IFT140: variants seen among roughly 807,000 people sequenced by gnomAD.
The protein encoded by IFT140 is intraflagellar transport protein 140 homolog.
Under a neutral mutation model 164.6 loss-of-function variants are expected in IFT140, and 133 were observed. The ratio of observed to expected loss-of-function variants is 0.81; its 90% CI spans 0.70 to 0.93. The LOEUF (loss-of-function observed/expected upper bound fraction) is 0.93, where lower values mean the gene tolerates loss of function less well. IFT140 is among the 40% of genes least tolerant of loss of function. IFT140 has a pLI of 0.00. For missense variants in IFT140, 2,045 were observed against 1,972.3 expected (o/e 1.04, Z -0.70); for synonymous variants, 860 against 817.3 (o/e 1.05, Z -0.89).
intron 26 of IFT140, among the ~76,000 whole-genome samples, chr16:1,522,864 G>C (rs2040564143): frequency 6.6e-6 from 1 of 152,142 alleles, no homozygotes; most frequent in Admixed American, 6.6e-5. Context: ...ATTTTGATAT[G>C]TATTTCTATC....
At chr16:1,536,265 G>A (rs2031061035) in intron 19 of IFT140, among the ~76,000 whole-genome samples, 1 of 152,196 alleles carries the variant, frequency 6.6e-6, no homozygotes, top group African/African-American at 2.4e-5. Context: ...TCACAGGGCC[G>A]CGTGTAGCCT....
rs531883275 is a variant in IFT140, at chr16:1,576,547, G to A, written c.1524+4212C>T. Among the ~76,000 whole-genome samples the A allele has an allele frequency of 1.6e-3, 236 of 147,514 alleles. 1 individual carries two copies. Among genetic ancestry groups the A allele is most frequent in the Non-Finnish European group, 5.0e-4 (34 of 67,568 alleles). On this transcript the variant is annotated intron_variant, in intron 13 of 30. Coordinates refer to ENST00000426508, the MANE Select transcript of IFT140 (RefSeq NM_014714.4). Reference sequence around the variant, plus strand: ...GCGGAGCTTGCAGTGAGCCGAGATCGCACCACTCCACTCCAGCCTGGGTGA... The same window carrying A: ...GCGGAGCTTGCAGTGAGCCGAGATCACACCACTCCACTCCAGCCTGGGTGA...
At chr16:1,552,301 C>G (rs555265350) in intron 19 of IFT140, among the ~76,000 whole-genome samples, 17 of 152,168 alleles carry the variant, frequency 1.1e-4, no homozygotes, top group South Asian at 4.2e-4. Context: ...TGGGCTGGGA[C>G]TCTCCCCAAG....
intron 19 of IFT140, among the ~76,000 whole-genome samples, chr16:1,530,423 G>A (rs1024191015): frequency 3.9e-5 from 6 of 152,078 alleles, no homozygotes; most frequent in East Asian, 1.9e-4. Context: ...GAGCCACTGC[G>A]CCCGGCCCAC....
Position 1,523,696 on chromosome 16 carries a change from C to A in IFT140, c.3275G>T (p.Gly1092Val), listed in dbSNP as rs770590195. ...DRAVMLYHKAGHFSKALELAF... is the reference protein window; with the variant it reads ...DRAVMLYHKAVHFSKALELAF... The stretch of plus-strand genomic sequence containing the variant: ...CAGCTCCAGGGCCTTGGAGAAGTGG[C>A]CAGCCTGCGGATACGGTGGGCTCTG... Residue 1092 changes from glycine (G) to valine (V), a missense_variant, in exon 26 of 31, where the codon GGC becomes GTC. Transcript: ENST00000426508. 1 of 1,613,170 alleles carries A rather than the reference C, an allele frequency of 6.2e-7. No individual in the cohort carries two copies. Among genetic ancestry groups the A allele is most frequent in the Non-Finnish European group, 8.5e-7 (1 of 1,179,668 alleles).
At chr16:1,577,855 TAAAAA>T (rs539219664) in intron 13 of IFT140, 2 of 144,804 alleles carry the variant, frequency 1.4e-5, no homozygotes, top group Admixed American at 6.9e-5. Flanking sequence ...AACCCCAACT[TAAAAA>T]AAAAAGCCTT....
At chr16:1,585,186 A>G (rs2034803874) in intron 10 of IFT140, among the ~76,000 whole-genome samples, 1 of 152,242 alleles carries the variant, frequency 6.6e-6, no homozygotes, top group East Asian at 1.9e-4. Flanking sequence ...TCAACTGATG[A>G]ATGGAGAAAG....
chr16:1,546,266 G>A (rs1424645977), intron 19 of IFT140, among the ~76,000 whole-genome samples: 10 of 152,224 alleles, frequency 6.6e-5, no homozygotes, highest in Non-Finnish European at 2.9e-5. Flanking sequence ...GGCGACTTCT[G>A]CAGGCAGCCT....
At chr16:1,541,862 T>TA in intron 19 of IFT140, 1 of 1,490,604 alleles carries the variant, frequency 6.7e-7, no homozygotes, top group Non-Finnish European at 8.9e-7. Context: ...GCGTGACGGC[T>TA]GGCGTGGCCT....
intron 9 of IFT140, among the ~76,000 whole-genome samples, chr16:1,586,626 T>C (rs902951918): frequency 8.3e-5 from 11 of 132,690 alleles, no homozygotes; most frequent in East Asian, 2.7e-4. Context: ...CACACATGCA[T>C]GCACACACAC....
chr16:1,550,680 C>T (rs538826977), intron 19 of IFT140, among the ~76,000 whole-genome samples: 3 of 152,326 alleles, frequency 2.0e-5, no homozygotes, highest in African/African-American at 7.2e-5. Context: ...GTTTAGCCTT[C>T]CCACTTTTAA....
At chr16:1,535,628 G>A (rs1596321396) in intron 19 of IFT140, among the ~76,000 whole-genome samples, 1 of 152,150 alleles carries the variant, frequency 6.6e-6, no homozygotes, top group Admixed American at 6.5e-5. Context: ...AACCTGCCGC[G>A]CTCAGAACCC....
intron 30 of IFT140, among the ~76,000 whole-genome samples, chr16:1,517,143 G>A (rs1161524846): frequency 6.6e-6 from 1 of 152,160 alleles, no homozygotes; most frequent in African/African-American, 2.4e-5. Flanking sequence ...GGTGGAGGCG[G>A]GTGGATCACT....
At chr16:1,520,879 C>A in intron 26 of IFT140, 71 bp from the exon 27 acceptor site, 1 of 1,430,310 alleles carries the variant, frequency 7.0e-7, no homozygotes, top group Non-Finnish European at 9.5e-7. Context: ...TCATCTGCCA[C>A]CGCTTCAGAG....
chr16:1,535,471 C>G (rs2030970659), intron 19 of IFT140, among the ~76,000 whole-genome samples: 1 of 152,198 alleles, frequency 6.6e-6, no homozygotes, highest in Non-Finnish European at 1.5e-5. Context: ...TGCTGCAGAG[C>G]CTCACAGACT....
intron 4 of IFT140, among the ~76,000 whole-genome samples, chr16:1,595,587 G>A (rs1319183798): frequency 6.7e-6 from 1 of 149,114 alleles, no homozygotes; most frequent in East Asian, 2.0e-4. Context: ...GGGCGACAGA[G>A]TGAGACTCCA....
Position 1,585,573 on chromosome 16 carries a change from TAGAG to T in IFT140, c.1155+553_1155+556del, listed in dbSNP as rs946578595. ...TCAGTAAAGCTCTTTTTCATACAGA[TAGAG>T]AGAGATGGAGAGGGAGGGATGGGTT... On this transcript the variant is annotated intron_variant, in intron 10 of 30. Coordinates refer to ENST00000426508, the MANE Select transcript of IFT140 (RefSeq NM_014714.4). Among the ~76,000 whole-genome samples, 8 of 152,252 alleles carry T rather than the reference TAGAG, an allele frequency of 5.3e-5. No homozygotes were observed. In the East Asian group the frequency reaches 9.7e-4, roughly 18 times the overall value.
intron 4 of IFT140, among the ~76,000 whole-genome samples, chr16:1,595,660 T>C (rs1422591576): frequency 6.6e-6 from 1 of 150,790 alleles, no homozygotes; most frequent in African/African-American, 2.4e-5. Context: ...TTTTGCAAGA[T>C]CTATTAAAAT....
At chr16:1,543,680 G>A (rs950769067) in intron 19 of IFT140, among the ~76,000 whole-genome samples, 1 of 152,224 alleles carries the variant, frequency 6.6e-6, no homozygotes, top group Non-Finnish European at 1.5e-5. Context: ...TGGGACCTAG[G>A]ACTGACTCCG....
Sources: allele counts gnomAD v4.1 joint callset (sites outside exome capture counted in the v4.1 genomes callset), GRCh38; gene constraint gnomAD v4.1.1; transcripts MANE v1.5; gene names NCBI Gene and HGNC (gene_info 2026-07-23, HGNC 2026-07-21).